Variants in NDST4 observed in about 807,000 individuals in gnomAD.
NDST4 encodes N-deacetylase and N-sulfotransferase 4, also known as N-heparan sulfate sulfotransferase 4.
In NDST4, 63 loss-of-function variants were observed where a neutral mutation model predicts 100.8. That is an observed-to-expected ratio of 0.62 (90% confidence interval 0.51 to 0.77). The LOEUF is 0.77. Among genes scored for constraint, NDST4 ranks in the 30% least tolerant of loss-of-function variants. The pLI is 0.00. For missense variants in NDST4, 943 were observed against 1,018.4 expected (o/e 0.93, Z 1.01); for synonymous variants, 377 against 361.8 (o/e 1.04, Z -0.48).
intron 6 of NDST4, among the ~76,000 whole-genome samples, chr4:114,915,791 G>A (rs1249984591): frequency 6.6e-6 from 1 of 151,860 alleles, no homozygotes; most frequent in Admixed American, 6.6e-5. Context: ...GAAGCAATGA[G>A]CTGAAGTTGC....
At chr4:114,958,494 A>G (rs180695503) in intron 4 of NDST4, among the ~76,000 whole-genome samples, 2 of 152,280 alleles carry the variant, frequency 1.3e-5, no homozygotes. Context: ...TCCATCAAAC[A>G]CCACATGTAG....
At chr4:115,083,348 A>T (rs1285775852) in intron 1 of NDST4, among the ~76,000 whole-genome samples, 1 of 152,084 alleles carries the variant, frequency 6.6e-6, no homozygotes, top group Non-Finnish European at 1.5e-5. Context: ...AGTTCCAGCT[A>T]CTTGGGAGGC....
chr4:114,852,815 A>G lies in NDST4; in HGVS notation c.1726T>C (p.Cys576Arg). Residue 576 changes from cysteine (C) to arginine (R), a missense_variant, in exon 8 of 14, where the codon TGT (cysteine) becomes CGT (arginine). This residue lies in a region of NDST4 where 526 missense variants were observed against 634.1 expected (regional missense o/e 0.83). Transcript: ENST00000264363. ...EQKDPLWQNPCDDKRHKDIWS... is the reference protein window; with the variant it reads ...EQKDPLWQNPRDDKRHKDIWS... Reference sequence around the variant, plus strand: ...ATGTCTTTGTGTCGTTTATCATCACATGGATTCTGCAAGAAGGAAGAATAA... The same window carrying G: ...ATGTCTTTGTGTCGTTTATCATCACGTGGATTCTGCAAGAAGGAAGAATAA... 1.9e-6 allele frequency: 3 copies of G among 1,609,204 alleles called. No homozygotes were observed. Among genetic ancestry groups the G allele is most frequent in the Non-Finnish European group, 2.5e-6 (3 of 1,176,886 alleles).
chr4:114,893,511 T>C (rs867336421), intron 6 of NDST4, among the ~76,000 whole-genome samples: 52 of 152,240 alleles, frequency 3.4e-4, no homozygotes, highest in African/African-American at 1.2e-3. Context: ...TTGATCTTTT[T>C]TTCATATGTT....
At chr4:115,023,463 C>G (rs1578462694) in intron 2 of NDST4, among the ~76,000 whole-genome samples, 1 of 111,990 alleles carries the variant, frequency 8.9e-6, no homozygotes, top group South Asian at 2.9e-4. Flanking sequence ...CCAGCCTGGG[C>G]AACAAGAGCA....
At chr4:115,060,790 T>C (rs1326726748) in intron 2 of NDST4, among the ~76,000 whole-genome samples, 1 of 151,964 alleles carries the variant, frequency 6.6e-6, no homozygotes, top group Non-Finnish European at 1.5e-5. Context: ...TTGTTCAGTG[T>C]AGTCCCAACA....
chr4:114,992,479 T>A (rs977843436), intron 2 of NDST4, among the ~76,000 whole-genome samples: 1 of 151,838 alleles, frequency 6.6e-6, no homozygotes, highest in Non-Finnish European at 1.5e-5. Flanking sequence ...ACATTAGGAT[T>A]CACTGGGTTG....
chr4:114,876,153 G>T (rs1724250348), intron 6 of NDST4, among the ~76,000 whole-genome samples: 2 of 152,250 alleles, frequency 1.3e-5, no homozygotes, highest in South Asian at 2.1e-4. Context: ...CTGTTTTAGG[G>T]CAGCTTGCTT....
chr4:115,048,884 C>T (rs916235533), intron 2 of NDST4, among the ~76,000 whole-genome samples: 1 of 151,582 alleles, frequency 6.6e-6, no homozygotes, highest in African/African-American at 2.4e-5. Flanking sequence ...AGTAATCTGC[C>T]CTCCTCGGCC....
At chr4:115,006,898 A>T (rs1311754194) in intron 2 of NDST4, among the ~76,000 whole-genome samples, 1 of 152,158 alleles carries the variant, frequency 6.6e-6, no homozygotes, top group Non-Finnish European at 1.5e-5. Context: ...ACTAAGAAAC[A>T]GCCAGAAAAA....
chr4:114,920,334 G>A (rs980897707), intron 6 of NDST4, among the ~76,000 whole-genome samples: 1 of 152,102 alleles, frequency 6.6e-6, no homozygotes, highest in Admixed American at 6.6e-5. Flanking sequence ...GATTTCTTGA[G>A]CAAGTTAAGT....
intron 2 of NDST4, among the ~76,000 whole-genome samples, chr4:115,072,022 A>G (rs1729089335): frequency 6.6e-6 from 1 of 152,134 alleles, no homozygotes; most frequent in Admixed American, 6.6e-5. Context: ...CATAAAGCTT[A>G]TTTAATAAAA....
intron 1 of NDST4, among the ~76,000 whole-genome samples, chr4:115,087,828 A>G (rs1729438022): frequency 6.6e-6 from 1 of 151,874 alleles, no homozygotes; most frequent in African/African-American, 2.4e-5. Context: ...TTAGAAACTC[A>G]ACTGCTTTTT....
At chr4:115,001,452 A>T (rs1351120651) in intron 2 of NDST4, among the ~76,000 whole-genome samples, 2 of 151,850 alleles carry the variant, frequency 1.3e-5, no homozygotes, top group Non-Finnish European at 2.9e-5. Flanking sequence ...GCCCCCTGTT[A>T]GGAGATTCAT....
chr4:114,961,681 G>T (rs1726266964), intron 4 of NDST4, among the ~76,000 whole-genome samples: 1 of 151,920 alleles, frequency 6.6e-6, no homozygotes, highest in African/African-American at 2.4e-5. Context: ...CAAGTAAATT[G>T]AATGACTTAG....
chr4:114,901,043 C>T (rs193028441), intron 6 of NDST4, among the ~76,000 whole-genome samples: 6 of 151,262 alleles, frequency 4.0e-5, no homozygotes, highest in East Asian at 1.9e-4. Context: ...AAATTCTGTA[C>T]GGTGTGTTTT....
Position 114,970,468 on chromosome 4 carries a change from A to G in NDST4, c.1183T>C (p.Leu395=). The change falls in exon 4 of 14, where the codon TTA becomes CTA. Residue 395 remains leucine, a synonymous_variant. Coordinates refer to ENST00000264363, the MANE Select transcript of NDST4 (RefSeq NM_022569.3). ...TTGTTGAGAATCATCTGCTCTACTA[A>G]AGATGACTCGTTGTGGAAGAGGTGG... is the stretch of plus-strand genomic sequence containing the variant. ...QPHLFHNESS[L]VEQMILNKEF... The G allele has an allele frequency of 6.2e-7, 1 of 1,614,048 alleles. No individual in the cohort carries two copies. Among genetic ancestry groups the G allele is most frequent in the Non-Finnish European group, 8.5e-7 (1 of 1,179,926 alleles).
At chr4:114,949,731 G>A (rs1725947878) in intron 4 of NDST4, among the ~76,000 whole-genome samples, 1 of 152,060 alleles carries the variant, frequency 6.6e-6, no homozygotes, top group Non-Finnish European at 1.5e-5. Flanking sequence ...TGATTGGCCA[G>A]AACAATGTTC....
intron 6 of NDST4, among the ~76,000 whole-genome samples, chr4:114,887,653 C>A (rs2126204531): frequency 6.6e-6 from 1 of 152,256 alleles, no homozygotes; most frequent in Non-Finnish European, 1.5e-5. Context: ...AACTATCTAG[C>A]TTAAAGTAAT....
Sources: gnomAD v4.1 joint callset for allele counts (sites outside exome capture counted in the v4.1 genomes callset) on GRCh38, gnomAD v4.1.1 for gene constraint, gnomAD v4.1.1 regional missense constraint, MANE v1.5 for transcripts, NCBI Gene and HGNC (gene_info 2026-07-23, HGNC 2026-07-21) for gene names.